The following HS3ST4 variants were observed in gnomAD, a reference collection of about 807,000 sequenced individuals.
HS3ST4 encodes the protein heparan sulfate-glucosamine 3-sulfotransferase 4, also known as heparan sulfate glucosamine 3-O-sulfotransferase 4.
HS3ST4 carries 17 observed loss-of-function variants against 29.2 expected under a neutral mutation model. That is an observed-to-expected ratio of 0.58 (90% CI 0.40 to 0.87). The LOEUF is 0.87. Ranked by LOEUF, HS3ST4 falls within the 40% of genes least tolerant of loss-of-function variation. The probability of loss-of-function intolerance (pLI) is 0.00; values close to 1 mark genes in which losing one functional copy is unlikely to be tolerated. For synonymous variants in HS3ST4, 314 were observed against 285.7 expected (o/e 1.10, Z -1.00); for missense variants, 627 against 634.5 (o/e 0.99, Z 0.13).
chr16:25,893,579 C>T (rs1968031566), intron 1 of HS3ST4, among the ~76,000 whole-genome samples: 2 of 152,106 alleles, frequency 1.3e-5, no homozygotes, highest in Admixed American at 1.3e-4. Context: ...TTCCCATTGG[C>T]CAGCTTTGAG....
At chr16:25,956,984 C>A (rs1198065747) in intron 1 of HS3ST4, among the ~76,000 whole-genome samples, 2 of 117,440 alleles carry the variant, frequency 1.7e-5, no homozygotes, top group Admixed American at 1.2e-4. Context: ...GGCAACAGAG[C>A]GAGACTCCGT....
intron 1 of HS3ST4, among the ~76,000 whole-genome samples, chr16:25,708,596 CAT>C (rs1290451241): frequency 6.6e-6 from 1 of 152,204 alleles, no homozygotes; most frequent in African/African-American, 2.4e-5. Context: ...TATTATAACA[CAT>C]ATGCCATATA....
intron 1 of HS3ST4, among the ~76,000 whole-genome samples, chr16:25,804,799 C>T (rs1966974131): frequency 6.6e-6 from 1 of 152,108 alleles, no homozygotes; most frequent in Admixed American, 6.6e-5. Flanking sequence ...AGCCTTATCT[C>T]AGACCTTGTA....
At chr16:25,857,919 C>CTTTCTTTCTTTCTTT (rs1555469154) in intron 1 of HS3ST4, among the ~76,000 whole-genome samples, 103 of 58,042 alleles carry the variant, frequency 1.8e-3, no homozygotes, top group East Asian at 2.7e-3. Flanking sequence ...TTCCTTCCTT[C>CTTTCTTTCTTTCTTT]CTTTCTTTCT....
At chr16:25,763,359 A>T (rs1277560745) in intron 1 of HS3ST4, among the ~76,000 whole-genome samples, 3 of 152,176 alleles carry the variant, frequency 2.0e-5, no homozygotes, top group African/African-American at 7.2e-5. Flanking sequence ...CTGTCTCCCA[A>T]GTCTCCCCCT....
At chr16:25,823,814 T>C (rs1967187826) in intron 1 of HS3ST4, among the ~76,000 whole-genome samples, 1 of 152,232 alleles carries the variant, frequency 6.6e-6, no homozygotes, top group South Asian at 2.1e-4. Context: ...TCTGCCTGCC[T>C]TGGTCTCTCA....
intron 1 of HS3ST4, among the ~76,000 whole-genome samples, chr16:25,755,400 G>A (rs1048415394): frequency 1.3e-5 from 2 of 152,168 alleles, no homozygotes; most frequent in Non-Finnish European, 2.9e-5. Context: ...TTTCCAGATA[G>A]AAAAAGAGGA....
At chr16:25,974,863 A>G (rs974306183) in intron 1 of HS3ST4, among the ~76,000 whole-genome samples, 1 of 152,176 alleles carries the variant, frequency 6.6e-6, no homozygotes, top group Non-Finnish European at 1.5e-5. Context: ...CAAATTACAG[A>G]ATGACATGAA....
intron 1 of HS3ST4, among the ~76,000 whole-genome samples, chr16:25,992,648 T>A (rs928907962): frequency 3.9e-5 from 6 of 152,358 alleles, no homozygotes; most frequent in Non-Finnish European, 8.8e-5. Flanking sequence ...GCTGTCCGGG[T>A]CTTCTGACAG....
At chr16:25,708,442 A>T (rs1042300062) in intron 1 of HS3ST4, among the ~76,000 whole-genome samples, 1 of 152,150 alleles carries the variant, frequency 6.6e-6, no homozygotes, top group South Asian at 2.1e-4. Context: ...CAATTTCTTC[A>T]TTTGTGTTCA....
chr16:25,869,421 C>T (rs1967726933), intron 1 of HS3ST4, among the ~76,000 whole-genome samples: 1 of 152,128 alleles, frequency 6.6e-6, no homozygotes, highest in African/African-American at 2.4e-5. Flanking sequence ...AGGTTCAGAT[C>T]CAAGTTTTGC....
chr16:25,882,390 C>T (rs143259757), intron 1 of HS3ST4, among the ~76,000 whole-genome samples: 121 of 152,196 alleles, frequency 8.0e-4, no homozygotes, highest in African/African-American at 2.6e-3. Flanking sequence ...AATTTCCTTT[C>T]GGTTCCAGGA....
chr16:25,791,377 C>T (rs1354905051), intron 1 of HS3ST4, among the ~76,000 whole-genome samples: 2 of 152,044 alleles, frequency 1.3e-5, no homozygotes, highest in South Asian at 4.1e-4. Flanking sequence ...TCCTGGCCCT[C>T]TGTGTTTCCA....
chr16:25,827,166 C>T (rs990671782), intron 1 of HS3ST4, among the ~76,000 whole-genome samples: 3 of 152,160 alleles, frequency 2.0e-5, no homozygotes, highest in African/African-American at 7.2e-5. Context: ...TGAGATCCAA[C>T]GTAGCTGCTC....
intron 1 of HS3ST4, among the ~76,000 whole-genome samples, chr16:26,115,725 G>C (rs1899194100): frequency 6.6e-6 from 1 of 152,078 alleles, no homozygotes; most frequent in East Asian, 1.9e-4. Context: ...TATATGCTGA[G>C]CTCTGGAATG....
chr16:25,724,555 G>C (rs1389994477), intron 1 of HS3ST4, among the ~76,000 whole-genome samples: 1 of 151,944 alleles, frequency 6.6e-6, no homozygotes, highest in Non-Finnish European at 1.5e-5. Flanking sequence ...GTAGAGACGG[G>C]GTTTCACTGT....
intron 1 of HS3ST4, among the ~76,000 whole-genome samples, chr16:25,928,279 C>T (rs903457571): frequency 6.6e-6 from 1 of 150,894 alleles, no homozygotes; most frequent in Admixed American, 6.6e-5. Flanking sequence ...GTAGGAGGAT[C>T]GCTTGAGCCC....
intron 1 of HS3ST4, among the ~76,000 whole-genome samples, chr16:25,996,839 G>C (rs1010124528): frequency 6.6e-6 from 1 of 152,052 alleles, no homozygotes; most frequent in Non-Finnish European, 1.5e-5. Context: ...TGATGCAATT[G>C]ATATTTTAAG....
chr16:25,804,527 C>T (rs1179193509), intron 1 of HS3ST4, among the ~76,000 whole-genome samples: 1 of 152,052 alleles, frequency 6.6e-6, no homozygotes, highest in Non-Finnish European at 1.5e-5. Context: ...CTATGATTTC[C>T]TTGAGAGTGG....
Sources: allele counts gnomAD v4.1 joint callset (sites outside exome capture counted in the v4.1 genomes callset), GRCh38; gene constraint gnomAD v4.1.1; transcripts MANE v1.5; gene names NCBI Gene and HGNC (gene_info 2026-07-23, HGNC 2026-07-21).